The following SKI variants were observed in gnomAD, a reference collection of about 807,000 sequenced individuals.
SKI encodes SKI proto-oncogene.
SKI carries 23 observed loss-of-function variants against 59.3 expected under a neutral mutation model. The observed-to-expected ratio is 0.39, with a 90% confidence interval of 0.28 to 0.55. The LOEUF is 0.55. Among genes scored for constraint, SKI ranks in the 20% least tolerant of loss-of-function variants. The probability of loss-of-function intolerance (pLI) is 0.67; values close to 1 mark genes in which losing one functional copy is unlikely to be tolerated. For missense variants in SKI, 1,017 were observed against 1,038.9 expected (o/e 0.98, Z 0.29); for synonymous variants, 673 against 488.6 (o/e 1.38, Z -4.98).
intron 1 of SKI, among the ~76,000 whole-genome samples, chr1:2,232,093 C>T (rs1638651380): frequency 6.6e-6 from 1 of 152,270 alleles, no homozygotes; most frequent in South Asian, 2.1e-4. Flanking sequence ...GAGGCCCCGC[C>T]TCCGCCCTCA....
At chr1:2,273,706 C>T (rs1639679615) in intron 1 of SKI, among the ~76,000 whole-genome samples, 1 of 152,210 alleles carries the variant, frequency 6.6e-6, no homozygotes, top group African/African-American at 2.4e-5. Flanking sequence ...ACCGTGACTG[C>T]AGCCTCCCCC....
intron 1 of SKI, among the ~76,000 whole-genome samples, chr1:2,251,341 G>A (rs549878585): frequency 6.6e-6 from 1 of 152,084 alleles, no homozygotes; most frequent in South Asian, 2.1e-4. Context: ...CAGGCTGGTC[G>A]TGAATTCCTG....
rs746659856 is a variant in SKI, at chr1:2,304,034, C to T, written c.1406C>T (p.Ala469Val). The T allele has an allele frequency of 2.9e-5, 46 of 1,612,252 alleles. No homozygotes were observed. The highest frequency in any genetic ancestry group is 1.8e-4 in the Admixed American group (11 of 59,970). ...ACCCCAGGAGCCCCAGAGACGCTGGCGCCCGTGGCTGCCCCAGAGGAGGAC... is the reference window on the plus strand; with the variant it reads ...ACCCCAGGAGCCCCAGAGACGCTGGTGCCCGTGGCTGCCCCAGAGGAGGAC... ...VDTPGAPETL[A>V]PVAAPEEDKD... is the part of the protein sequence containing the mutation. The change falls in exon 4 of 7, where the codon GCG (alanine) becomes GTG (valine). Residue 469 changes from alanine to valine, a missense_variant. Ala to Val is a moderately conservative substitution (Grantham distance 64, BLOSUM62 0). Coordinates refer to ENST00000378536, the MANE Select transcript of SKI (RefSeq NM_003036.4).
intron 1 of SKI, among the ~76,000 whole-genome samples, chr1:2,237,461 T>G (rs924953016): frequency 1.3e-5 from 2 of 152,198 alleles, no homozygotes; most frequent in African/African-American, 2.4e-5. Flanking sequence ...TTACGTTGTG[T>G]TGTTCTGCCC....
rs1639595357 is a variant in SKI, at chr1:2,270,593, C to G, written c.970-32385C>G. ...CAAGCTGCCGGCTGAGGAGGCCGCA[C>G]TCCCCGTGCCTCCCGGGCAGACACC... On this transcript the variant is annotated intron_variant, in intron 1 of 6. Coordinates refer to ENST00000378536, the MANE Select transcript of SKI (RefSeq NM_003036.4). This position sits in a 1 kb window ranked among gnomAD's most constrained non-coding sequence, Gnocchi z 4.1. Among the ~76,000 whole-genome samples the G allele has an allele frequency of 6.6e-6, 1 of 152,214 alleles. No individual in the cohort carries two copies. The highest frequency in any genetic ancestry group is 2.1e-4 in the South Asian group (1 of 4,834).
In SKI at chr1:2,269,333, T is replaced by C. The variant is rs1639566665; in HGVS notation, c.970-33645T>C. On this transcript the variant is annotated intron_variant, in intron 1 of 6. Transcript: ENST00000378536. This position sits in a 1 kb window ranked among gnomAD's most constrained non-coding sequence, Gnocchi z 4.7. ...CAGAGCCAGAGAGTGACTAAGGGGC[T>C]GTTAGGACAGAGACAGTGGGTTTTG... 6.6e-6 allele frequency among the ~76,000 whole-genome samples: 1 copy of C among 152,204 alleles called. No homozygotes were observed. The highest frequency in any genetic ancestry group is 1.5e-5 in the Non-Finnish European group (1 of 68,036).
intron 1 of SKI, among the ~76,000 whole-genome samples, chr1:2,276,333 G>A (rs1041040404): frequency 1.3e-5 from 2 of 152,126 alleles, no homozygotes; most frequent in Admixed American, 1.3e-4. Context: ...CTCAGAGGCC[G>A]TTTACTTGAG....
chr1:2,278,318 CCTT>C (rs1356157862), intron 1 of SKI, among the ~76,000 whole-genome samples: 5 of 152,216 alleles, frequency 3.3e-5, no homozygotes, highest in African/African-American at 1.2e-4. Flanking sequence ...CTGGGCCTTA[CCTT>C]CACTGTCCTG....
intron 1 of SKI, among the ~76,000 whole-genome samples, chr1:2,274,041 C>T (rs755124049): frequency 9.2e-5 from 14 of 151,718 alleles, no homozygotes; most frequent in African/African-American, 2.4e-4. Flanking sequence ...TCCTACGGGC[C>T]GTGTCCAGAC....
rs1248978617 is a variant in SKI at position 2,309,329 on chromosome 1, T to G, written c.*2564T>G. The G allele has an allele frequency of 1.3e-5, 2 of 152,130 alleles. No individual in the cohort carries two copies. The highest frequency in any genetic ancestry group is 3.8e-4 in the East Asian group (2 of 5,204). The allele number at this position is 152,130 out of a possible 1,614,324, so 9.4% of individuals were successfully genotyped here. A position where few individuals can be genotyped will look rare whatever the true frequency, so the allele number is the denominator to read the frequency against. On this transcript the variant is annotated 3_prime_UTR_variant, in exon 7 of 7. Coordinates refer to ENST00000378536, the MANE Select transcript of SKI (RefSeq NM_003036.4). ...TTTAATTCTCATTATATTTCTATAC[T>G]GAAAGAAGATTTTTAACGAAGGGAA...
chr1:2,280,410 A>G (rs10910047), intron 1 of SKI, among the ~76,000 whole-genome samples: 89,272 of 150,932 alleles, frequency 0.59, 26,612 homozygotes, highest in South Asian at 0.73. Context: ...GCCCCTTCTC[A>G]CAAGGGGGCT....
chr1:2,275,432 T>C (rs1569787047), intron 1 of SKI, among the ~76,000 whole-genome samples: 1 of 152,174 alleles, frequency 6.6e-6, no homozygotes, highest in Admixed American at 6.5e-5. Flanking sequence ...CTGGCCGGTG[T>C]GGGCAGCTTT....
At position 2,270,599 on chromosome 1, in the gene SKI, G is replaced by T. The variant is rs147895810; in HGVS notation, c.970-32379G>T. 2.0e-5 allele frequency among the ~76,000 whole-genome samples: 3 copies of T among 152,164 alleles called. No homozygotes were observed. Among genetic ancestry groups the T allele is most frequent in the Non-Finnish European group, 2.9e-5 (2 of 67,984 alleles). Reference sequence around the variant, plus strand: ...GCCGGCTGAGGAGGCCGCACTCCCCGTGCCTCCCGGGCAGACACCTCACGG... The same window carrying T: ...GCCGGCTGAGGAGGCCGCACTCCCCTTGCCTCCCGGGCAGACACCTCACGG... On this transcript the variant is annotated intron_variant, in intron 1 of 6. Coordinates refer to ENST00000378536, the MANE Select transcript of SKI (RefSeq NM_003036.4). This position sits in a 1 kb window ranked among gnomAD's most constrained non-coding sequence, Gnocchi z 4.1.
chr1:2,235,783 G>A (rs531228288), intron 1 of SKI, among the ~76,000 whole-genome samples: 1 of 152,342 alleles, frequency 6.6e-6, no homozygotes, highest in East Asian at 1.9e-4. Flanking sequence ...TCCAGACTAG[G>A]ACCAGATGGA....
chr1:2,250,320 C>T (rs771226951), intron 1 of SKI, among the ~76,000 whole-genome samples: 9 of 152,194 alleles, frequency 5.9e-5, no homozygotes, highest in African/African-American at 2.2e-4. Context: ...GCTCTCTGGC[C>T]GTCCCAGAAC....
chr1:2,245,690 A>C (rs1638978328), intron 1 of SKI, among the ~76,000 whole-genome samples: 1 of 150,636 alleles, frequency 6.6e-6, no homozygotes, highest in African/African-American at 2.4e-5. Flanking sequence ...TGGCCAGGCT[A>C]ATCTTGAATT....
intron 1 of SKI, among the ~76,000 whole-genome samples, chr1:2,300,652 T>G (rs1046509954): frequency 6.6e-6 from 1 of 152,180 alleles, no homozygotes; most frequent in Admixed American, 6.5e-5. Flanking sequence ...CACCTTCTAT[T>G]TTACACGTTT....
rs1017504953 is a variant in SKI at position 2,300,513 on chromosome 1, G to A, written c.970-2465G>A. On this transcript the variant is annotated intron_variant, in intron 1 of 6. Coordinates refer to ENST00000378536, the MANE Select transcript of SKI (RefSeq NM_003036.4). ...ACAGCTGACACTGGGGCCCCCAGGG[G>A]CCTTGGTAGGGCGGGTGGCATCCCA... Among the ~76,000 whole-genome samples the A allele has an allele frequency of 3.3e-5, 5 of 152,356 alleles. No homozygotes were observed. In the South Asian group the frequency reaches 8.3e-4, roughly 25 times the overall value.
intron 1 of SKI, among the ~76,000 whole-genome samples, chr1:2,246,363 C>T (rs900413039): frequency 3.9e-5 from 6 of 152,134 alleles, no homozygotes; most frequent in South Asian, 2.1e-4. Flanking sequence ...CTCTTTGAGT[C>T]GAGTTGTGTG....
Sources: allele counts gnomAD v4.1 joint callset (sites outside exome capture counted in the v4.1 genomes callset), GRCh38; gene constraint gnomAD v4.1.1; non-coding constraint Gnocchi (gnomAD v3.1); transcripts MANE v1.5; gene names NCBI Gene and HGNC (gene_info 2026-07-23, HGNC 2026-07-21).